Variants in THOC6 observed in about 807,000 individuals in gnomAD.
THOC6 encodes the protein THO complex 6.
Under a neutral mutation model 55.8 loss-of-function variants are expected in THOC6, and 39 were observed. That is an observed-to-expected ratio of 0.70 (90% CI 0.54 to 0.91). The LOEUF (loss-of-function observed/expected upper bound fraction) is 0.91, where lower values mean the gene tolerates loss of function less well. Among genes scored for constraint, THOC6 ranks in the 40% least tolerant of loss-of-function variants. THOC6 has a pLI of 0.00. For synonymous variants in THOC6, 192 were observed against 175.6 expected, an observed-to-expected ratio of 1.09 and a Z score of -0.74; for missense variants, 482 against 442.0, an observed-to-expected ratio of 1.09 and a Z score of -0.81.
chr16:3,026,337 C>T (rs780903068), intron 5 of THOC6, 28 bp from the exon 6 acceptor site: 2 of 1,614,048 alleles, frequency 1.2e-6, no homozygotes, highest in Middle Eastern at 1.6e-4. Context: ...AAGCCACTTC[C>T]TCACTGACCT....
In THOC6 at chr16:3,026,993, C is replaced by T. The variant is rs751287570; in HGVS notation, c.637-18C>T. 4 of 1,614,218 alleles carry T rather than the reference C, an allele frequency of 2.5e-6. No individual in the cohort carries two copies. The highest frequency in any genetic ancestry group is 1.3e-5 in the African/African-American group (1 of 75,062). On this transcript the variant is annotated intron_variant, in intron 9 of 12. Transcript: ENST00000326266. ...CTCCAGGTCTTCACCTCTTTCCCTC[C>T]TCCCCTCCCCATCCCAGGAGTGCTC...
In THOC6 at chr16:3,024,341, G is replaced by A. The variant is rs2072724793; in HGVS notation, c.15G>A (p.Val5=). The A allele has an allele frequency of 4.3e-6, 7 of 1,614,168 alleles. No homozygotes were observed. The highest frequency in any genetic ancestry group is 1.3e-5 in the African/African-American group (1 of 75,058). The change falls in exon 1 of 13, where the codon GTG becomes GTA. Residue 5 remains valine, a synonymous_variant. Transcript: ENST00000326266. ...TAGTTCTGGAGATGGAGCGAGCTGT[G>A]CCGCTCGCGGTGCCTCTGGGTCAGG... MERA[V]PLAVPLGQTE... is the part of the protein sequence containing the mutation.
intron 1 of THOC6, among the ~76,000 whole-genome samples, chr16:3,024,733 C>G (rs942581581): frequency 2.7e-5 from 4 of 148,472 alleles, no homozygotes; most frequent in Non-Finnish European, 4.4e-5. Flanking sequence ...CTCCCAGGTT[C>G]AAGCGATTCT....
chr16:3,024,075 G>C lies in THOC6; in HGVS notation c.-252G>C. ...TGCGCGGGCGCGGAAGACGGGCGGC[G>C]CGTGGCGGAAGGCAGGCTTGCTCCT... On this transcript the variant is annotated 5_prime_UTR_variant, in exon 1 of 13. Coordinates refer to ENST00000326266, the MANE Select transcript of THOC6 (RefSeq NM_024339.5). 1.2e-6 allele frequency: 1 copy of C among 804,434 alleles called. No individual in the cohort carries two copies. Among genetic ancestry groups the C allele is most frequent in the Non-Finnish European group, 1.9e-6 (1 of 518,070 alleles). The allele number at this position is 804,434 out of a possible 1,614,324, so 49.8% of individuals were successfully genotyped here.
At position 3,027,491 on chromosome 16, in the gene THOC6, T is replaced by C. The variant is rs761464288; in HGVS notation, c.936T>C (p.Pro312=). Residue 312 remains proline, a synonymous_variant, in exon 12 of 13, where the codon CCT becomes CCC. Coordinates refer to ENST00000326266, the MANE Select transcript of THOC6 (RefSeq NM_024339.5). ...SLSLNQQPAA[P]ECKVLTAAGN... The stretch of plus-strand genomic sequence containing the variant: ...GCCTCAACCAGCAGCCTGCCGCGCC[T>C]GAGTGCAAGGTGGGTCCGGCAGGGG... 8.0e-5 allele frequency: 129 copies of C among 1,610,384 alleles called. 1 individual carries two copies. The highest frequency in any genetic ancestry group is 6.8e-6 in the Non-Finnish European group (8 of 1,177,882).
chr16:3,024,476 G>A lies in THOC6; in HGVS notation c.39+111G>A, dbSNP rs544038916. On this transcript the variant is annotated intron_variant, in intron 1 of 12. Coordinates refer to ENST00000326266, the MANE Select transcript of THOC6 (RefSeq NM_024339.5). Reference sequence around the variant, plus strand: ...GCCCTGTTTTGCCTGGGCTATTTGTGGGACTCAGACTCTGACCAGGGGGGC... The same window carrying A: ...GCCCTGTTTTGCCTGGGCTATTTGTAGGACTCAGACTCTGACCAGGGGGGC... 31 of 1,389,970 alleles carry A rather than the reference G, an allele frequency of 2.2e-5. No homozygotes were observed. In the South Asian group the frequency reaches 3.3e-4, roughly 15 times the overall value. The allele number at this position is 1,389,970 out of a possible 1,614,324, so 86.1% of individuals were successfully genotyped here.
rs138453104 is a variant in THOC6, at chr16:3,026,255, G to A, written c.329G>A (p.Cys110Tyr). ...CTGGTATTTTCTCTTTTGAAGGGCT[G>A]TAAGGAGCTGTGGCGTCGTCAGCCT... ...WLWAEMLKKG[C>Y]KELWRRQPPY... The change falls in exon 5 of 13, where the codon TGT becomes TAT. Residue 110 changes from cysteine (C) to tyrosine (Y), a missense_variant. Physicochemically the swap from Cys to Tyr is radical, Grantham distance 194. Coordinates refer to ENST00000326266, the MANE Select transcript of THOC6 (RefSeq NM_024339.5). The A allele has an allele frequency of 7.6e-5, 123 of 1,614,152 alleles. No individual in the cohort carries two copies. In the African/African-American group the frequency reaches 1.3e-3, roughly 18 times the overall value.
rs982637355 is a variant in THOC6, at chr16:3,025,703, T to C, written c.40-5T>C. 3.1e-6 allele frequency: 5 copies of C among 1,613,412 alleles called. No homozygotes were observed. The highest frequency in any genetic ancestry group is 1.7e-5 in the Admixed American group (1 of 59,998). On this transcript the variant is annotated splice_region_variant and splice_polypyrimidine_tract_variant and intron_variant, in intron 1 of 12. Transcript: ENST00000326266. ...AGGCAGGCCTCATCCAGTCTTTCCC[T>C]GCAGACAGAGGTGTTCCAGGCCTTG...
Position 3,027,445 on chromosome 16 carries a change from C to T in THOC6, c.890C>T (p.Ser297Phe), listed in dbSNP as rs1387428240. The T allele has an allele frequency of 6.2e-7, 1 of 1,611,350 alleles. No individual in the cohort carries two copies. The highest frequency in any genetic ancestry group is 8.5e-7 in the Non-Finnish European group (1 of 1,179,176). Reference protein sequence around the residue: ...GELKAQVPGSSPGLLSLSLNQ... With the variant: ...GELKAQVPGSFPGLLSLSLNQ... ...CTGAAGGCCCAGGTGCCTGGCTCCT[C>T]CCCAGGGCTGCTCAGCCTCAGCCTC... The change falls in exon 12 of 13, where the codon TCC becomes TTC. Residue 297 changes from serine (S) to phenylalanine (F), a missense_variant. Transcript: ENST00000326266.
At position 3,026,313 on chromosome 16, in the gene THOC6, G is replaced by T. The variant is rs374553238; in HGVS notation, c.362+25G>T. Reference sequence around the variant, plus strand: ...GGTGAGCAGGGCCACGTGGATAGAGGGTGCATCAGGGTGAAGCCACTTCCT... The same window carrying T: ...GGTGAGCAGGGCCACGTGGATAGAGTGTGCATCAGGGTGAAGCCACTTCCT... On this transcript the variant is annotated intron_variant, in intron 5 of 12. Coordinates refer to ENST00000326266, the MANE Select transcript of THOC6 (RefSeq NM_024339.5). The T allele has an allele frequency of 2.5e-6, 4 of 1,613,968 alleles. No homozygotes were observed. In the East Asian group the frequency reaches 6.7e-5, roughly 27 times the overall value.
chr16:3,027,563 CCT>C lies in THOC6; in HGVS notation c.946-11_946-10del, dbSNP rs750743813. On this transcript the variant is annotated splice_polypyrimidine_tract_variant and intron_variant, in intron 12 of 12. Coordinates refer to ENST00000326266, the MANE Select transcript of THOC6 (RefSeq NM_024339.5). Reference sequence around the variant, plus strand: ...GGGGTGTGGGCAGGCCAGTCATGCCCCTCTTTCCTCCAGGTCCTGACAGCTGC... The same window carrying C: ...GGGGTGTGGGCAGGCCAGTCATGCCCCTTTCCTCCAGGTCCTGACAGCTGC... 7.4e-6 allele frequency: 12 copies of C among 1,613,530 alleles called. No individual in the cohort carries two copies. Among genetic ancestry groups the C allele is most frequent in the Middle Eastern group, 1.6e-4 (1 of 6,080 alleles).
At chr16:3,025,018 C>T (rs1243976651) in intron 1 of THOC6, among the ~76,000 whole-genome samples, 3 of 148,404 alleles carry the variant, frequency 2.0e-5, no homozygotes, top group Non-Finnish European at 3.0e-5. Flanking sequence ...TCTGGGTTCA[C>T]CGCAACCTCC....
At position 3,026,869 on chromosome 16, in the gene THOC6, C is replaced by T. The variant is rs758811423; in HGVS notation, c.589C>T (p.Leu197=). The T allele has an allele frequency of 2.5e-6, 4 of 1,614,194 alleles. No homozygotes were observed. In the South Asian group the frequency reaches 3.3e-5, roughly 13 times the overall value. ...CACTCACAGTTCTTTCCCCGCAGAC[C>T]TGCGCACAGCCAAGGAGGTCCAGAC... The part of the protein sequence containing the change: ...GEDGAVRLWD[L]RTAKEVQTIE... Residue 197 remains leucine, a splice_region_variant and synonymous_variant, in exon 9 of 13, where the codon CTG becomes TTG. Coordinates refer to ENST00000326266, the MANE Select transcript of THOC6 (RefSeq NM_024339.5).
chr16:3,027,512 A>G lies in THOC6; in HGVS notation c.945+12A>G, dbSNP rs1256146209. ...CGCCTGAGTGCAAGGTGGGTCCGGC[A>G]GGGGCCGCGGAGCGGCTGGGAGGCA... On this transcript the variant is annotated intron_variant, in intron 12 of 12. Coordinates refer to ENST00000326266, the MANE Select transcript of THOC6 (RefSeq NM_024339.5). 5 of 1,611,958 alleles carry G rather than the reference A, an allele frequency of 3.1e-6. No individual in the cohort carries two copies. In the Admixed American group the frequency reaches 8.4e-5, roughly 27 times the overall value.
chr16:3,026,140 T>A lies in THOC6; in HGVS notation c.298T>A (p.Trp100Arg), dbSNP rs138632121. ...LSAGDGEVKA[W>R]LWAEMLKKGC... ...TGCTGGGGATGGGGAGGTGAAGGCC[T>A]GGCTTTGGGCGGAGATGCTCAAGAA... The change falls in exon 4 of 13, where the codon TGG becomes AGG. Residue 100 changes from tryptophan (W) to arginine (R), a missense_variant. Coordinates refer to ENST00000326266, the MANE Select transcript of THOC6 (RefSeq NM_024339.5). 586 of 1,608,356 alleles carry A rather than the reference T, an allele frequency of 3.6e-4. No homozygotes were observed. Among genetic ancestry groups the A allele is most frequent in the Non-Finnish European group, 4.6e-4 (537 of 1,175,950 alleles).
intron 1 of THOC6, among the ~76,000 whole-genome samples, chr16:3,025,092 G>A (rs1238813973): frequency 6.6e-6 from 1 of 151,440 alleles, no homozygotes; most frequent in South Asian, 2.1e-4. Flanking sequence ...ACAGGCATGC[G>A]CCACCACTCC....
Position 3,027,587 on chromosome 16 carries a change from C to G in THOC6, c.956C>G (p.Ala319Gly). 1 of 1,614,098 alleles carries G rather than the reference C, an allele frequency of 6.2e-7. No individual in the cohort carries two copies. Among genetic ancestry groups the G allele is most frequent in the Non-Finnish European group, 8.5e-7 (1 of 1,180,004 alleles). The change falls in exon 13 of 13, where the codon GCT becomes GGT. Residue 319 changes from alanine (A) to glycine (G), a missense_variant. Ala to Gly is a moderately conservative substitution (Grantham distance 60). Transcript: ENST00000326266. ...CCCTCTTTCCTCCAGGTCCTGACAGCTGCAGGCAACAGCTGCCGGGTGGAT... is the reference window on the plus strand; with the variant it reads ...CCCTCTTTCCTCCAGGTCCTGACAGGTGCAGGCAACAGCTGCCGGGTGGAT... ...PAAPECKVLT[A>G]AGNSCRVDVF...
rs749381155 is a variant in THOC6 at position 3,026,346 on chromosome 16, C to T, written c.363-19C>T. On this transcript the variant is annotated intron_variant, in intron 5 of 12. Transcript: ENST00000326266. ...AGGGTGAAGCCACTTCCTCACTGAC[C>T]TTGCCTTTCCTTCCCCAGGACCAGC... 4 of 1,613,926 alleles carry T rather than the reference C, an allele frequency of 2.5e-6. No homozygotes were observed. Among genetic ancestry groups the T allele is most frequent in the Non-Finnish European group, 3.4e-6 (4 of 1,180,036 alleles).
rs2151136145 is a variant in THOC6, at chr16:3,026,676, C to T, written c.484-3C>T. 3 of 1,611,662 alleles carry T rather than the reference C, an allele frequency of 1.9e-6. No homozygotes were observed. The highest frequency in any genetic ancestry group is 2.5e-6 in the Non-Finnish European group (3 of 1,178,640). ...CCTCCTGACATCGCCCCTCTACATG[C>T]AGAGGGTCCTCCGGGGCCACACAGA... is the stretch of plus-strand genomic sequence containing the variant. On this transcript the variant is annotated splice_region_variant and splice_polypyrimidine_tract_variant and intron_variant, in intron 7 of 12. Coordinates refer to ENST00000326266, the MANE Select transcript of THOC6 (RefSeq NM_024339.5).
Sources: gnomAD v4.1 joint callset for allele counts (sites outside exome capture counted in the v4.1 genomes callset) on GRCh38, gnomAD v4.1.1 for gene constraint, MANE v1.5 for transcripts, NCBI Gene and HGNC (gene_info 2026-07-23, HGNC 2026-07-21) for gene names.